The following CSMD1 variants were observed in gnomAD, a reference collection of about 807,000 sequenced individuals.
CSMD1 encodes CUB and sushi domain-containing protein 1.
In CSMD1, 213 loss-of-function variants were observed where a neutral mutation model predicts 417.5. The ratio of observed to expected loss-of-function variants is 0.51; its 90% CI spans 0.46 to 0.57. The LOEUF is 0.57. CSMD1 is among the 20% of genes least tolerant of loss of function. The pLI is 0.00. For synonymous variants in CSMD1, 2,862 were observed against 1,736.8 expected, an observed-to-expected ratio of 1.65 and a Z score of -16.11; for missense variants, 6,923 against 4,529.7, an observed-to-expected ratio of 1.53 and a Z score of -15.17.
intron 5 of CSMD1, among the ~76,000 whole-genome samples, chr8:3,979,147 G>C (rs1280006690): frequency 6.6e-6 from 1 of 152,212 alleles, no homozygotes; most frequent in Non-Finnish European, 1.5e-5. Flanking sequence ...CTCAGGCCCT[G>C]ATCACATTTT....
rs931910347 is a variant in CSMD1, at chr8:3,315,619, C to A, written c.3632-7116G>T. Among the ~76,000 whole-genome samples, 10 of 152,070 alleles carry A rather than the reference C, an allele frequency of 6.6e-5. 1 individual carries two copies. Among genetic ancestry groups the A allele is most frequent in the Admixed American group, 5.2e-4 (8 of 15,244 alleles). On this transcript the variant is annotated intron_variant, in intron 23 of 69. Transcript: ENST00000635120. ...TGACATTATTTTGTAATCCTATGAG[C>A]AGCCCCATGGTAAGATACTCCACAT...
chr8:4,276,316 C>A lies in CSMD1; in HGVS notation c.415+143637G>T, dbSNP rs116963354. Among the ~76,000 whole-genome samples the A allele has an allele frequency of 6.4e-4, 97 of 152,266 alleles. No homozygotes were observed. In the East Asian group the frequency reaches 0.017, roughly 27 times the overall value. On this transcript the variant is annotated intron_variant, in intron 3 of 69. Coordinates refer to ENST00000635120, the MANE Select transcript of CSMD1 (RefSeq NM_033225.6). ...GCCATAAAAAAGGATCAGTTAATGTCCTTTGCAGGGACATGGATGAAACTA... is the reference window on the plus strand; with the variant it reads ...GCCATAAAAAAGGATCAGTTAATGTACTTTGCAGGGACATGGATGAAACTA...
intron 4 of CSMD1, 80 bp downstream of exon 4, chr8:4,031,825 G>A: frequency 9.1e-7 from 1 of 1,095,118 alleles, no homozygotes; most frequent in Non-Finnish European, 1.3e-6. Context: ...TTTCATTTAA[G>A]TGGAAACTTT....
At chr8:4,425,379 CA>C (rs3056571) in intron 2 of CSMD1, among the ~76,000 whole-genome samples, 25,627 of 128,684 alleles carry the variant, frequency 0.2, 2,197 homozygotes, top group Non-Finnish European at 0.25. Context: ...ATTTGTGTGC[CA>C]AAAAAAAAAA....
chr8:3,850,459 C>G (rs997512917), intron 5 of CSMD1, among the ~76,000 whole-genome samples: 4 of 152,180 alleles, frequency 2.6e-5, no homozygotes, highest in African/African-American at 9.7e-5. Context: ...TTTTGGAAGG[C>G]TGAGGCAGGC....
intron 6 of CSMD1, among the ~76,000 whole-genome samples, chr8:3,733,683 G>A (rs1454572672): frequency 6.6e-6 from 1 of 152,136 alleles, no homozygotes; most frequent in African/African-American, 2.4e-5. Flanking sequence ...GGAGTTGGGA[G>A]TCACTCAGTG....
chr8:2,986,512 A>AT (rs1554480459), intron 54 of CSMD1, among the ~76,000 whole-genome samples: 11 of 151,436 alleles, frequency 7.3e-5, no homozygotes, highest in Non-Finnish European at 1.3e-4. Flanking sequence ...TTTATTTTTT[A>AT]TTTTTTTTGA....
intron 7 of CSMD1, among the ~76,000 whole-genome samples, chr8:3,618,026 G>T (rs1357493614): frequency 6.6e-6 from 1 of 152,134 alleles, no homozygotes; most frequent in African/African-American, 2.4e-5. Context: ...TTTTGAGACA[G>T]GATCTCACTC....
At chr8:4,444,943 A>G (rs1267981581) in intron 2 of CSMD1, among the ~76,000 whole-genome samples, 1 of 152,212 alleles carries the variant, frequency 6.6e-6, no homozygotes, top group Non-Finnish European at 1.5e-5. Flanking sequence ...TTTACATAAA[A>G]TAACTGGGAA....
At chr8:3,095,832 C>G (rs1218814037) in intron 47 of CSMD1, among the ~76,000 whole-genome samples, 5 of 152,048 alleles carry the variant, frequency 3.3e-5, no homozygotes, top group African/African-American at 1.2e-4. Context: ...ACGATTCAAC[C>G]ACATATTACT....
At chr8:3,423,502 C>A (rs920417435) in intron 12 of CSMD1, among the ~76,000 whole-genome samples, 1 of 152,168 alleles carries the variant, frequency 6.6e-6, no homozygotes, top group African/African-American at 2.4e-5. Flanking sequence ...TTCCCTGTAT[C>A]AGTAGTTATG....
intron 3 of CSMD1, among the ~76,000 whole-genome samples, chr8:4,171,441 C>T (rs1395802652): frequency 6.6e-6 from 1 of 151,834 alleles, no homozygotes; most frequent in Non-Finnish European, 1.5e-5. Context: ...TCAATTTATG[C>T]ATGACTTATT....
At chr8:4,820,673 C>T (rs1439404510) in intron 1 of CSMD1, among the ~76,000 whole-genome samples, 1 of 152,162 alleles carries the variant, frequency 6.6e-6, no homozygotes, top group Non-Finnish European at 1.5e-5. Flanking sequence ...TGCCATCATT[C>T]AAATGGCTGT....
intron 10 of CSMD1, among the ~76,000 whole-genome samples, chr8:3,548,700 A>ACACACACC (rs1161842585): frequency 4.2e-5 from 6 of 142,344 alleles, no homozygotes; most frequent in Admixed American, 7.0e-5. Context: ...ACACACACAC[A>ACACACACC]CCATGGTTTC....
At chr8:4,491,379 C>T (rs567422380) in intron 2 of CSMD1, among the ~76,000 whole-genome samples, 4 of 152,060 alleles carry the variant, frequency 2.6e-5, no homozygotes, top group Admixed American at 6.5e-5. Flanking sequence ...TCCATTATAG[C>T]GATCAGCCCT....
intron 1 of CSMD1, among the ~76,000 whole-genome samples, chr8:4,653,702 C>G (rs1296640926): frequency 6.6e-6 from 1 of 151,994 alleles, no homozygotes; most frequent in African/African-American, 2.4e-5. Flanking sequence ...AAGCATAACA[C>G]AAATGGCAGA....
At chr8:3,771,513 A>T (rs570180670) in intron 5 of CSMD1, among the ~76,000 whole-genome samples, 2 of 152,116 alleles carry the variant, frequency 1.3e-5, no homozygotes, top group East Asian at 3.9e-4. Flanking sequence ...AACAGTTTGG[A>T]GCTTCTGCTC....
chr8:4,162,000 C>G (rs1433469510), intron 3 of CSMD1, among the ~76,000 whole-genome samples: 1 of 152,190 alleles, frequency 6.6e-6, no homozygotes, highest in African/African-American at 2.4e-5. Context: ...GTGCCTTTGA[C>G]TAACCATTCT....
chr8:3,938,658 T>A (rs1036825562), intron 5 of CSMD1, among the ~76,000 whole-genome samples: 4 of 152,206 alleles, frequency 2.6e-5, no homozygotes, highest in African/African-American at 9.6e-5. Context: ...CTCTTTGAAG[T>A]CTGCTTCTGT....
Sources: allele counts gnomAD v4.1 joint callset (sites outside exome capture counted in the v4.1 genomes callset), GRCh38; gene constraint gnomAD v4.1.1; transcripts MANE v1.5; gene names NCBI Gene and HGNC (gene_info 2026-07-23, HGNC 2026-07-21).